OTOG: variants seen among roughly 807,000 people sequenced by gnomAD.
The protein encoded by OTOG is otogelin.
OTOG carries 296 observed loss-of-function variants against 313.8 expected under a neutral mutation model. That is an observed-to-expected ratio of 0.94 (90% CI 0.86 to 1.04). OTOG has a LOEUF of 1.04. Among genes scored for constraint, OTOG ranks in the 50% least tolerant of loss-of-function variants. The pLI is 0.00. For missense variants in OTOG, 3,948 were observed against 3,840.1 expected (o/e 1.03, Z -0.74); for synonymous variants, 1,533 against 1,554.9 (o/e 0.99, Z 0.33).
rs1425629706 is a variant in OTOG, at chr11:17,572,102, AG to A, written c.1979del (p.Ser660ThrfsTer57). 1.3e-6 allele frequency: 2 copies of A among 1,550,318 alleles called. No individual in the cohort carries two copies. Among genetic ancestry groups the A allele is most frequent in the African/African-American group, 2.7e-5 (2 of 72,980 alleles). ...CAGGTCTCCAGTGGGTGTACCTGAG[AG>A]CACCCCACAACTTTTTGGCAATTCC... The part of the protein sequence containing the change: ...DFLSPVGVPE[S>X]TPQLFGNSWK... On this transcript the variant is annotated frameshift_variant, in exon 18 of 56. Coordinates refer to ENST00000399397, the MANE Select transcript of OTOG (RefSeq NM_001292063.2). LOFTEE classifies it high-confidence loss of function.
intron 3 of OTOG, among the ~76,000 whole-genome samples, chr11:17,549,853 G>C (rs1251011107): frequency 1.3e-5 from 2 of 152,112 alleles, no homozygotes; most frequent in African/African-American, 2.4e-5. Flanking sequence ...ACAGGAGTTG[G>C]GGGGTGGGGG....
In OTOG at chr11:17,593,700, A is replaced by G; in HGVS notation, c.3232A>G (p.Thr1078Ala). The G allele has an allele frequency of 6.5e-7, 1 of 1,548,858 alleles. No individual in the cohort carries two copies. Among genetic ancestry groups the G allele is most frequent in the East Asian group, 2.4e-5 (1 of 40,908 alleles). Reference protein sequence around the residue: ...TLVHFPQEHITLLWDQRTTVH... With the variant: ...TLVHFPQEHIALLWDQRTTVH... ...GGTGCATTTCCCACAGGAGCACATCACCCTCTTGTGGGACCAGAGAACCAC... is the reference window on the plus strand; with the variant it reads ...GGTGCATTTCCCACAGGAGCACATCGCCCTCTTGTGGGACCAGAGAACCAC... The change falls in exon 27 of 56, where the codon ACC becomes GCC. Residue 1078 changes from threonine (T) to alanine (A), a missense_variant. Coordinates refer to ENST00000399397, the MANE Select transcript of OTOG (RefSeq NM_001292063.2).
At chr11:17,628,991 G>C in intron 39 of OTOG, 142 bp from the exon 40 acceptor site, 1 of 793,744 alleles carries the variant, frequency 1.3e-6, no homozygotes, top group Non-Finnish European at 1.9e-6. Flanking sequence ...AACAGAGCCT[G>C]GCACATAGCA....
intron 3 of OTOG, among the ~76,000 whole-genome samples, chr11:17,548,765 T>C (rs948082270): frequency 6.6e-6 from 1 of 152,130 alleles, no homozygotes; most frequent in Non-Finnish European, 1.5e-5. Flanking sequence ...TGACACAGGC[T>C]GGAGTGCAGT....
At chr11:17,623,199 A>G (rs776930265) in intron 39 of OTOG, among the ~76,000 whole-genome samples, 9 of 152,132 alleles carry the variant, frequency 5.9e-5, no homozygotes, top group Non-Finnish European at 1.3e-4. Flanking sequence ...TCTTATATAG[A>G]TAAACTCATA....
Position 17,635,076 on chromosome 11 carries a change from C to T in OTOG, c.7586-4C>T, listed in dbSNP as rs780510021. ...CCAGCACCTAAATTCAGCCTTTTCC[C>T]CAGAGTGTGACCCAGATCTCTGTGA... On this transcript the variant is annotated splice_region_variant and splice_polypyrimidine_tract_variant and intron_variant, in intron 45 of 55. Coordinates refer to ENST00000399397, the MANE Select transcript of OTOG (RefSeq NM_001292063.2). 6.5e-7 allele frequency: 1 copy of T among 1,546,414 alleles called. No individual in the cohort carries two copies. The highest frequency in any genetic ancestry group is 1.2e-5 in the South Asian group (1 of 83,858).
At position 17,639,459 on chromosome 11, in the gene OTOG, A is replaced by G. The variant is rs1371564456; in HGVS notation, c.7931A>G (p.His2644Arg). ...GACACAATCCCGGTGCCCCGGTGCC[A>G]TCTGGTATGGAGACGCTCCTCCCCC... ...DCDTIPVPRC[H>R]LWEKSQLDEE... is the part of the protein sequence containing the mutation. The change falls in exon 49 of 56, where the codon CAT becomes CGT. Residue 2644 changes from histidine to arginine, a missense_variant. Transcript: ENST00000399397. 1 of 1,550,570 alleles carries G rather than the reference A, an allele frequency of 6.4e-7. No homozygotes were observed. Among genetic ancestry groups the G allele is most frequent in the South Asian group, 1.2e-5 (1 of 84,048 alleles).
In OTOG at chr11:17,609,064, C is replaced by T. The variant is rs575054306; in HGVS notation, c.4275-66C>T. 1.6e-4 allele frequency: 209 copies of T among 1,299,712 alleles called. 1 individual carries two copies. Among genetic ancestry groups the T allele is most frequent in the South Asian group, 1.5e-3 (120 of 77,586 alleles). The allele number at this position is 1,299,712 out of a possible 1,614,324, so 80.5% of individuals were successfully genotyped here. ...AGAAAGGATAAGGCCTGTGCTCAAT[C>T]GAGAGAAAAAGAGATGGCCCTGCCT... is the stretch of plus-strand genomic sequence containing the variant. On this transcript the variant is annotated intron_variant, in intron 34 of 55. Transcript: ENST00000399397.
intron 39 of OTOG, among the ~76,000 whole-genome samples, chr11:17,620,245 A>G (rs764495060): frequency 6.6e-6 from 1 of 152,198 alleles, no homozygotes; most frequent in Non-Finnish European, 1.5e-5. Flanking sequence ...GTTTCTTCAT[A>G]GTCACCTCTC....
At position 17,611,090 on chromosome 11, in the gene OTOG, G is replaced by A. The variant is rs1376617673; in HGVS notation, c.5790G>A (p.Gly1930=). 4.5e-6 allele frequency: 7 copies of A among 1,550,356 alleles called. No homozygotes were observed. The highest frequency in any genetic ancestry group is 6.1e-6 in the Non-Finnish European group (7 of 1,146,924). ...PTSMYGSAEG[G]PTELTPATSH... ...CCATGTATGGTTCTGCAGAGGGTGGGCCCACAGAGCTCACGCCTGCTACGA... is the reference window on the plus strand; with the variant it reads ...CCATGTATGGTTCTGCAGAGGGTGGACCCACAGAGCTCACGCCTGCTACGA... The change falls in exon 36 of 56, where the codon GGG becomes GGA. Residue 1930 remains glycine (G), a synonymous_variant. Coordinates refer to ENST00000399397, the MANE Select transcript of OTOG (RefSeq NM_001292063.2).
chr11:17,568,801 G>A (rs902319231), intron 15 of OTOG, among the ~76,000 whole-genome samples: 4 of 152,216 alleles, frequency 2.6e-5, no homozygotes, highest in Non-Finnish European at 5.9e-5. Context: ...ACAAAGGGAT[G>A]AAATTAAAGT....
chr11:17,548,418 CTTTTTTTTTTTTTTTTTTTTTT>C (rs56402246), intron 3 of OTOG, among the ~76,000 whole-genome samples: 19 of 87,608 alleles, frequency 2.2e-4, no homozygotes, highest in Admixed American at 1.1e-3. Context: ...ATAGTCCACT[CTTTTTTTTTTTTTTTTTTTTTT>C]TTTTTTTTTT....
intron 3 of OTOG, among the ~76,000 whole-genome samples, chr11:17,548,723 T>C (rs1424934260): frequency 6.6e-6 from 1 of 152,026 alleles, no homozygotes. Flanking sequence ...TGAGCCTTTT[T>C]TTTTCTTTTT....
At chr11:17,632,306 C>T (rs1171865889) in intron 42 of OTOG, 80 bp downstream of exon 42, 2 of 1,428,004 alleles carry the variant, frequency 1.4e-6, no homozygotes, top group African/African-American at 2.8e-5. Flanking sequence ...GCTCCCGGCC[C>T]CAAGTTCATG....
At chr11:17,606,669 G>T (rs2134083528) in intron 33 of OTOG, among the ~76,000 whole-genome samples, 1 of 152,330 alleles carries the variant, frequency 6.6e-6, no homozygotes, top group African/African-American at 2.4e-5. Flanking sequence ...CCAAAATATT[G>T]TTCTCTGCCT....
chr11:17,555,988 A>G, intron 7 of OTOG, 91 bp downstream of exon 7: 6 of 1,048,092 alleles, frequency 5.7e-6, no homozygotes. Flanking sequence ...AGCCCAAAGG[A>G]AATTGTTTTC....
intron 19 of OTOG, among the ~76,000 whole-genome samples, chr11:17,574,368 G>A (rs906166403): frequency 6.6e-6 from 1 of 152,144 alleles, no homozygotes; most frequent in Non-Finnish European, 1.5e-5. Flanking sequence ...GTCTATGTGT[G>A]AGTTACGGGG....
rs889704145 is a variant in OTOG at position 17,553,153 on chromosome 11, G to A, written c.327G>A (p.Val109=). The A allele has an allele frequency of 5.2e-5, 81 of 1,550,528 alleles. No homozygotes were observed. The East Asian group carries it at 1.9e-3, about 37-fold the overall frequency. Residue 109 remains valine, a synonymous_variant, in exon 5 of 56, where the codon GTG becomes GTA. Transcript: ENST00000399397. ...CCTGCTTCAATGGAGGCGAGTGTGT[G>A]CACCCAGCCTTCTGTGACTGCAGAC... ...LFSCFNGGEC[V]HPAFCDCRRF...
intron 31 of OTOG, 131 bp from the exon 32 acceptor site, chr11:17,602,079 G>A (rs1853268268): frequency 9.9e-7 from 1 of 1,013,616 alleles, no homozygotes; most frequent in African/African-American, 1.6e-5. Flanking sequence ...GATCTGGGAT[G>A]AAGGACACCA....
Sources: allele counts gnomAD v4.1 joint callset (sites outside exome capture counted in the v4.1 genomes callset), GRCh38; gene constraint gnomAD v4.1.1; transcripts MANE v1.5; gene names NCBI Gene and HGNC (gene_info 2026-07-23, HGNC 2026-07-21).